The following IGFALS variants were observed in gnomAD, a reference collection of about 807,000 sequenced individuals.
IGFALS encodes the protein insulin like growth factor binding protein acid labile subunit.
A neutral mutation model predicts 2.6 loss-of-function variants in IGFALS; 2 were observed. The observed-to-expected ratio is 0.77, with a 90% CI of 0.32 to 2.44. The LOEUF (loss-of-function observed/expected upper bound fraction) is 2.44. Among genes scored for constraint, IGFALS ranks in the 30% most tolerant of loss-of-function variants. The pLI is 0.11. For missense variants in IGFALS, 996 were observed against 848.7 expected (o/e 1.17, Z -2.16); for synonymous variants, 519 against 431.9 (o/e 1.20, Z -2.50).
Position 1,791,075 on chromosome 16 carries a change from TGCGTGA to T in IGFALS, c.1337_1342del (p.Leu446_Thr447del), listed in dbSNP as rs1897212206. On this transcript the variant is annotated inframe_deletion, in exon 2 of 2. Transcript: ENST00000215539. The stretch of plus-strand genomic sequence containing the variant: ...GCCCTGGAAGAGGCGGTGGGGCAGG[TGCGTGA>T]GCTGGTTGGAGGTCAGGTCGAGCTC... 6.3e-7 allele frequency: 1 copy of T among 1,599,034 alleles called. No individual in the cohort carries two copies. Among genetic ancestry groups the T allele is most frequent in the African/African-American group, 1.3e-5 (1 of 75,008 alleles).
At position 1,790,656 on chromosome 16, in the gene IGFALS, C is replaced by T. The variant is rs373938170; in HGVS notation, c.1762G>A (p.Glu588Lys). 263 of 1,596,782 alleles carry T rather than the reference C, an allele frequency of 1.6e-4. No individual in the cohort carries two copies. Among genetic ancestry groups the T allele is most frequent in the Non-Finnish European group, 2.1e-4 (245 of 1,172,754 alleles). The stretch of plus-strand genomic sequence containing the variant: ...TCCCGCAGGTCGAGCCCCACGACCT[C>T]GGGCGGGCTGGCACAGGTGATGTTG... ...YNNITCASPPEVVGLDLRDLS... is the reference protein window; with the variant it reads ...YNNITCASPPKVVGLDLRDLS... Residue 588 changes from glutamate to lysine, a missense_variant, in exon 2 of 2, where the codon GAG becomes AAG. By Grantham distance (56) the Glu-to-Lys change is moderately conservative. Transcript: ENST00000215539.
chr16:1,792,710 C>T (rs899190713), intron 1 of IGFALS, among the ~76,000 whole-genome samples: 14 of 152,216 alleles, frequency 9.2e-5, no homozygotes, highest in Non-Finnish European at 1.3e-4. Context: ...ATGTGGCAGC[C>T]GCACCCCCAA....
At chr16:1,793,403 A>G (rs1897274022) in intron 1 of IGFALS, among the ~76,000 whole-genome samples, 2 of 152,010 alleles carry the variant, frequency 1.3e-5, no homozygotes, top group Non-Finnish European at 1.5e-5. Context: ...TGCCGCCGCC[A>G]GCGCCCTTAG....
At position 1,792,265 on chromosome 16, in the gene IGFALS, G is replaced by A. The variant is rs747677141; in HGVS notation, c.153C>T (p.Asp51=). ...CPAACVCSYD[D]DADELSVFCS... is the part of the protein sequence containing the mutation. The stretch of plus-strand genomic sequence containing the variant: ...AGAAGACGCTGAGCTCATCCGCGTC[G>A]TCATCGTAGCTGCAGACACAGGCGG... Residue 51 remains aspartate (D), a synonymous_variant, in exon 2 of 2, where the codon GAC becomes GAT. Coordinates refer to ENST00000215539, the MANE Select transcript of IGFALS (RefSeq NM_004970.3). The A allele has an allele frequency of 1.8e-5, 29 of 1,601,260 alleles. No homozygotes were observed. In the East Asian group the frequency reaches 2.2e-4, roughly 12 times the overall value.
rs1897230909 is a variant in IGFALS at position 1,791,683 on chromosome 16, C to T, written c.735G>A (p.Gln245=). Residue 245 remains glutamine (Q), a synonymous_variant, in exon 2 of 2, where the codon CAG becomes CAA. Transcript: ENST00000215539. The stretch of plus-strand genomic sequence containing the variant: ...TGAGGTTGCGGTCCAGGTAGAGTTT[C>T]TGGAGCCGGGGCAGCTGCACGAACA... ...ANVFVQLPRL[Q]KLYLDRNLIA... The T allele has an allele frequency of 1.3e-6, 2 of 1,581,068 alleles. No individual in the cohort carries two copies. The highest frequency in any genetic ancestry group is 1.7e-6 in the Non-Finnish European group (2 of 1,167,422).
chr16:1,790,836 G>A lies in IGFALS; in HGVS notation c.1582C>T (p.Leu528=). The change falls in exon 2 of 2, where the codon CTG becomes TTG. Residue 528 remains leucine (L), a synonymous_variant. Transcript: ENST00000215539. The part of the protein sequence containing the change: ...LRTFTPQPPG[L]ERLWLEGNPW... ...TTACCCTCCAGCCACAGGCGCTCCA[G>A]GCCCGGGGGCTGCGGCGTGAAGGTC... 2 of 1,568,126 alleles carry A rather than the reference G, an allele frequency of 1.3e-6. No homozygotes were observed. Among genetic ancestry groups the A allele is most frequent in the African/African-American group, 1.4e-5 (1 of 73,922 alleles).
chr16:1,794,473 G>A (rs941379718), upstream of IGFALS, among the ~76,000 whole-genome samples: 2 of 152,138 alleles, frequency 1.3e-5, no homozygotes, highest in Non-Finnish European at 2.9e-5. Context: ...CTCTGGTGAG[G>A]GCCTGGCCGC....
In IGFALS at chr16:1,791,923, G is replaced by A. The variant is rs1295915296; in HGVS notation, c.495C>T (p.Leu165=). The A allele has an allele frequency of 4.4e-6, 7 of 1,582,380 alleles. No individual in the cohort carries two copies. In the East Asian group the frequency reaches 1.6e-4, roughly 37 times the overall value. ...CCCAGAGGCTGCCGAGGCCCTCGAA[G>A]AGCCCGTCCTCCAGCCTGCTCAGAC... is the stretch of plus-strand genomic sequence containing the variant. ...NNRLSRLEDG[L]FEGLGSLWDL... Residue 165 remains leucine, a synonymous_variant, in exon 2 of 2, where the codon CTC becomes CTT. Transcript: ENST00000215539.
rs1230452131 is a variant in IGFALS at position 1,791,731 on chromosome 16, C to T, written c.687G>A (p.Ala229=). The T allele has an allele frequency of 4.5e-6, 7 of 1,555,168 alleles. No homozygotes were observed. The highest frequency in any genetic ancestry group is 6.1e-6 in the Non-Finnish European group (7 of 1,154,762). The change falls in exon 2 of 2, where the codon GCG becomes GCA. Residue 229 remains alanine, a synonymous_variant. Coordinates refer to ENST00000215539, the MANE Select transcript of IGFALS (RefSeq NM_004970.3). The stretch of plus-strand genomic sequence containing the variant: ...ACACGTTTGCCTTGATGGCCCGCAG[C>T]GCGTTCCTGCTCAGGTCCAGCTCCC... The part of the protein sequence containing the change: ...ELRELDLSRN[A]LRAIKANVFV...
rs781119629 is a variant in IGFALS, at chr16:1,791,852, G to A, written c.566C>T (p.Ala189Val). The A allele has an allele frequency of 1.5e-5, 24 of 1,553,316 alleles. No individual in the cohort carries two copies. The highest frequency in any genetic ancestry group is 4.1e-5 in the African/African-American group (3 of 73,382). Residue 189 changes from alanine to valine, a missense_variant, in exon 2 of 2, where the codon GCG becomes GTG. By Grantham distance (64) the Ala-to-Val change is moderately conservative (BLOSUM62 0). Transcript: ENST00000215539. Reference sequence around the variant, plus strand: ...GCGCAGGCTGCCCAGGCCGCGGAACGCCGCATCGGGGAGCACCGCCAGGCT... The same window carrying A: ...GCGCAGGCTGCCCAGGCCGCGGAACACCGCATCGGGGAGCACCGCCAGGCT... ...WNSLAVLPDA[A>V]FRGLGSLREL...
rs746641061 is a variant in IGFALS, at chr16:1,791,993, A to G, written c.425T>C (p.Phe142Ser). ...NQLRSLALGT[F>S]AHTPALASLG... ...CGAGGCCAGCGCGGGCGTGTGTGCA[A>G]ACGTGCCGAGTGCCAGGCTGCGCAG... is the stretch of plus-strand genomic sequence containing the variant. The change falls in exon 2 of 2, where the codon TTT (phenylalanine) becomes TCT (serine). Residue 142 changes from phenylalanine to serine, a missense_variant. Physicochemically the swap from Phe to Ser is radical, Grantham distance 155 (BLOSUM62 -2). Transcript: ENST00000215539. The G allele has an allele frequency of 6.2e-7, 1 of 1,608,356 alleles. No homozygotes were observed. The highest frequency in any genetic ancestry group is 8.5e-7 in the Non-Finnish European group (1 of 1,178,894).
chr16:1,793,649 C>T lies in IGFALS; in HGVS notation c.4G>A (p.Ala2Thr), dbSNP rs1281529030. 1 of 1,596,728 alleles carries T rather than the reference C, an allele frequency of 6.3e-7. No individual in the cohort carries two copies. The highest frequency in any genetic ancestry group is 8.5e-7 in the Non-Finnish European group (1 of 1,171,580). ...TCGGGGGCCTCACCTTTCCTCAGGG[C>T]CATCCTGCATGCAGGGCAGGCTGCA... M[A>T]LRKGGLALAL... is the part of the protein sequence containing the mutation. The change falls in exon 1 of 2, where the codon GCC becomes ACC. Residue 2 changes from alanine (A) to threonine (T), a missense_variant. By Grantham distance (58) the Ala-to-Thr change is moderately conservative. Coordinates refer to ENST00000215539, the MANE Select transcript of IGFALS (RefSeq NM_004970.3).
rs754732601 is a variant in IGFALS at position 1,791,645 on chromosome 16, G to A, written c.773C>T (p.Ala258Val). The A allele has an allele frequency of 1.6e-5, 26 of 1,579,852 alleles. No homozygotes were observed. The East Asian group carries it at 3.7e-4, about 23-fold the overall frequency. The change falls in exon 2 of 2, where the codon GCC (alanine) becomes GTC (valine). Residue 258 changes from alanine to valine, a missense_variant. Physicochemically the swap from Ala to Val is moderately conservative, Grantham distance 64. Coordinates refer to ENST00000215539, the MANE Select transcript of IGFALS (RefSeq NM_004970.3). ...YLDRNLIAAVAPGAFLGLKAL... is the reference protein window; with the variant it reads ...YLDRNLIAAVVPGAFLGLKAL... ...CTTCAGGCCCAGGAAGGCGCCCGGG[G>A]CCACGGCAGCGATGAGGTTGCGGTC...
rs768859244 is a variant in IGFALS at position 1,791,613 on chromosome 16, G to A, written c.805C>T (p.Arg269Ter). Reference protein sequence around the residue: ...PGAFLGLKALRWLDLSHNRVA... With the variant: ...PGAFLGLKAL ...CGGTTGTGGGACAGGTCCAGCCATC[G>A]CAGCGCCTTCAGGCCCAGGAAGGCG... is the stretch of plus-strand genomic sequence containing the variant. Residue 269 changes from arginine to a stop codon, truncating the protein, a stop_gained, in exon 2 of 2, where the codon CGA (arginine) becomes TGA (stop). Transcript: ENST00000215539. LOFTEE classifies it low-confidence loss of function (END_TRUNC). The A allele has an allele frequency of 5.7e-6, 9 of 1,567,372 alleles. No individual in the cohort carries two copies. The highest frequency in any genetic ancestry group is 1.4e-5 in the African/African-American group (1 of 73,836).
At chr16:1,793,810 C>T (rs540132674), upstream of IGFALS, 45 of 643,356 alleles carry the variant, frequency 7.0e-5, no homozygotes, top group South Asian at 3.9e-4. Flanking sequence ...CCCCTCGTGC[C>T]GGGCGGCCGG....
rs755130159 is a variant in IGFALS at position 1,790,678 on chromosome 16, G to A, written c.1740C>T (p.Asn580=). The change falls in exon 2 of 2, where the codon AAC becomes AAT. Residue 580 remains asparagine (N), a synonymous_variant. Coordinates refer to ENST00000215539, the MANE Select transcript of IGFALS (RefSeq NM_004970.3). ...DCQPPAYTYN[N]ITCASPPEVV... ...CCTCGGGCGGGCTGGCACAGGTGAT[G>A]TTGTTGTAGGTGTACGCGGGCGGCT... is the stretch of plus-strand genomic sequence containing the variant. The A allele has an allele frequency of 2.3e-5, 37 of 1,605,748 alleles. No homozygotes were observed. The highest frequency in any genetic ancestry group is 3.1e-5 in the Non-Finnish European group (36 of 1,177,076).
In IGFALS at chr16:1,791,899, C is replaced by T. The variant is rs752030883; in HGVS notation, c.519G>A (p.Trp173Ter). The T allele has an allele frequency of 1.5e-5, 24 of 1,572,326 alleles. No homozygotes were observed. The Admixed American group carries it at 4.4e-4, about 29-fold the overall frequency. The change falls in exon 2 of 2, where the codon TGG becomes TGA. Residue 173 changes from tryptophan (W) to a stop codon, truncating the protein, a stop_gained. Coordinates refer to ENST00000215539, the MANE Select transcript of IGFALS (RefSeq NM_004970.3). LOFTEE classifies it low-confidence loss of function (END_TRUNC). ...DGLFEGLGSLWDLNLGWNSLA... is the reference protein window; with the variant it reads ...DGLFEGLGSL ...GGCTATTCCAGCCGAGGTTGAGGTC[C>T]CAGAGGCTGCCGAGGCCCTCGAAGA... is the stretch of plus-strand genomic sequence containing the variant.
rs760211480 is a variant in IGFALS at position 1,791,271 on chromosome 16, G to A, written c.1147C>T (p.Arg383Trp). Residue 383 changes from arginine (R) to tryptophan (W), a missense_variant, in exon 2 of 2, where the codon CGG becomes TGG. Coordinates refer to ENST00000215539, the MANE Select transcript of IGFALS (RefSeq NM_004970.3). ...CLRNLPEQVF[R>W]GLGKLHSLHL... ...AGGCTGTGCAGCTTGCCCAGGCCCCGGAACACCTGCTCCGGAAGGTTCCGG... is the reference window on the plus strand; with the variant it reads ...AGGCTGTGCAGCTTGCCCAGGCCCCAGAACACCTGCTCCGGAAGGTTCCGG... 34 of 1,609,172 alleles carry A rather than the reference G, an allele frequency of 2.1e-5. 1 individual carries two copies. The highest frequency in any genetic ancestry group is 1.8e-4 in the South Asian group (16 of 91,084).
chr16:1,790,793 C>T lies in IGFALS; in HGVS notation c.1625G>A (p.Cys542Tyr). ...GAAGTCCCGCAGCGCCTTGAGAGGG[C>T]AGCCACAGTCCCAGGGGTTACCCTC... ...WLEGNPWDCG[C>Y]PLKALRDFAL... The change falls in exon 2 of 2, where the codon TGC (cysteine) becomes TAC (tyrosine). Residue 542 changes from cysteine (C) to tyrosine (Y), a missense_variant. Cys to Tyr is a radical substitution (Grantham distance 194, BLOSUM62 -2). Coordinates refer to ENST00000215539, the MANE Select transcript of IGFALS (RefSeq NM_004970.3). 6.4e-7 allele frequency: 1 copy of T among 1,574,146 alleles called. No homozygotes were observed. The highest frequency in any genetic ancestry group is 8.6e-7 in the Non-Finnish European group (1 of 1,161,338).
Sources: gnomAD v4.1 joint callset for allele counts (sites outside exome capture counted in the v4.1 genomes callset) on GRCh38, gnomAD v4.1.1 for gene constraint, MANE v1.5 for transcripts, NCBI Gene and HGNC (gene_info 2026-07-23, HGNC 2026-07-21) for gene names.